Variants in GPM6A observed in about 807,000 individuals in gnomAD.
GPM6A encodes neuronal membrane glycoprotein M6-a.
In GPM6A, 7 loss-of-function variants were observed where a neutral mutation model predicts 32.1. The observed-to-expected ratio is 0.22, with a 90% CI of 0.12 to 0.41. The LOEUF (loss-of-function observed/expected upper bound fraction) is 0.41. Among genes scored for constraint, GPM6A ranks in the 10% least tolerant of loss-of-function variants. The pLI is 1.00. For missense variants in GPM6A, 235 were observed against 347.2 expected, an observed-to-expected ratio of 0.68 and a Z score of 2.57; for synonymous variants, 130 against 123.4, an observed-to-expected ratio of 1.05 and a Z score of -0.35.
intron 1 of GPM6A, among the ~76,000 whole-genome samples, chr4:175,856,364 G>A (rs1452981884): frequency 6.6e-6 from 1 of 152,190 alleles, no homozygotes; most frequent in African/African-American, 2.4e-5. Context: ...TTGTGGGAGG[G>A]GGAGCACATA....
intron 2 of GPM6A, among the ~76,000 whole-genome samples, chr4:175,693,184 G>A (rs560254252): frequency 4.4e-4 from 66 of 151,526 alleles, no homozygotes; most frequent in African/African-American, 1.4e-3. Flanking sequence ...TGAGTGGCAC[G>A]TAGTATCACC....
chr4:175,973,357 G>A (rs1239938498), intron 1 of GPM6A, among the ~76,000 whole-genome samples: 2 of 152,130 alleles, frequency 1.3e-5, no homozygotes, highest in African/African-American at 2.4e-5. Flanking sequence ...TTTAGAACAC[G>A]GTTTTGCTGT....
intron 6 of GPM6A, 49 bp downstream of exon 6, chr4:175,640,080 G>T: frequency 7.4e-7 from 1 of 1,354,684 alleles, no homozygotes; most frequent in Non-Finnish European, 1.1e-6. Context: ...CAAGCAAATA[G>T]CTTTGGAATT....
chr4:175,689,471 T>C (rs1744175976), intron 2 of GPM6A, among the ~76,000 whole-genome samples: 1 of 152,004 alleles, frequency 6.6e-6, no homozygotes, highest in Admixed American at 6.6e-5. Context: ...TTTGAAGCTA[T>C]TGTAAATGGA....
At chr4:175,896,432 T>C (rs543253769) in intron 1 of GPM6A, among the ~76,000 whole-genome samples, 2 of 152,188 alleles carry the variant, frequency 1.3e-5, no homozygotes, top group South Asian at 4.2e-4. Context: ...CTGATGTGAG[T>C]TCAGCTATTC....
At chr4:175,767,624 C>T (rs934606813) in intron 1 of GPM6A, among the ~76,000 whole-genome samples, 1 of 152,202 alleles carries the variant, frequency 6.6e-6, no homozygotes, top group Non-Finnish European at 1.5e-5. Context: ...CAATTGTGCA[C>T]CATCTAATAA....
At chr4:175,680,511 A>G (rs1229411604) in intron 2 of GPM6A, among the ~76,000 whole-genome samples, 1 of 152,174 alleles carries the variant, frequency 6.6e-6, no homozygotes. Context: ...TCTAAGTTAC[A>G]TGGATTAGTG....
chr4:175,879,637 A>G (rs981335349), intron 1 of GPM6A, among the ~76,000 whole-genome samples: 4 of 152,166 alleles, frequency 2.6e-5, no homozygotes, highest in South Asian at 2.1e-4. Flanking sequence ...CATGAGGATT[A>G]TTACAATTCA....
chr4:175,945,476 T>C (rs1487694182), intron 1 of GPM6A, among the ~76,000 whole-genome samples: 1 of 151,958 alleles, frequency 6.6e-6, no homozygotes, highest in Non-Finnish European at 1.5e-5. Flanking sequence ...ATTACTCAGT[T>C]GTAAATAATA....
intron 1 of GPM6A, among the ~76,000 whole-genome samples, chr4:175,990,879 T>C (rs1253159931): frequency 1.3e-5 from 2 of 152,222 alleles, no homozygotes; most frequent in Non-Finnish European, 2.9e-5. Context: ...TGAATGAAAT[T>C]ATTTAATAAC....
intron 1 of GPM6A, among the ~76,000 whole-genome samples, chr4:175,969,498 C>T (rs1411817699): frequency 6.6e-6 from 1 of 152,070 alleles, no homozygotes; most frequent in Non-Finnish European, 1.5e-5. Context: ...CATTTGAGGT[C>T]AGGAGTTCGA....
At chr4:175,649,297 A>G (rs1308307672) in intron 4 of GPM6A, among the ~76,000 whole-genome samples, 1 of 152,206 alleles carries the variant, frequency 6.6e-6, no homozygotes, top group Admixed American at 6.5e-5. Flanking sequence ...ATAAGCCTTA[A>G]TACTTTCAGT....
At chr4:175,640,022 A>T in intron 6 of GPM6A, 107 bp downstream of exon 6, 1 of 890,940 alleles carries the variant, frequency 1.1e-6, no homozygotes, top group Non-Finnish European at 1.9e-6. Flanking sequence ...GATGACATAA[A>T]TGTGTTTTAC....
chr4:175,955,681 A>C (rs1419576257), intron 1 of GPM6A, among the ~76,000 whole-genome samples: 1 of 152,186 alleles, frequency 6.6e-6, no homozygotes, highest in African/African-American at 2.4e-5. Flanking sequence ...AGTAATAAGG[A>C]ATAACTTCAT....
chr4:175,691,784 T>C (rs1231007067), intron 2 of GPM6A, among the ~76,000 whole-genome samples: 2 of 152,164 alleles, frequency 1.3e-5, no homozygotes, highest in African/African-American at 2.4e-5. Context: ...ATTAATGATA[T>C]TGAGGTGAGG....
chr4:175,846,549 G>A (rs1020148332), intron 1 of GPM6A, among the ~76,000 whole-genome samples: 5 of 152,124 alleles, frequency 3.3e-5, no homozygotes, highest in African/African-American at 1.2e-4. Flanking sequence ...TACCAAGTGA[G>A]TGATTATAAT....
At chr4:175,689,983 G>C (rs1744207426) in intron 2 of GPM6A, among the ~76,000 whole-genome samples, 1 of 152,180 alleles carries the variant, frequency 6.6e-6, no homozygotes, top group South Asian at 2.1e-4. Flanking sequence ...AAGAGGGGCT[G>C]ATGTGGGATA....
intron 2 of GPM6A, among the ~76,000 whole-genome samples, chr4:175,689,161 T>A (rs1255824918): frequency 6.6e-6 from 1 of 152,250 alleles, no homozygotes; most frequent in East Asian, 1.9e-4. Context: ...TCACTTTTAT[T>A]CTTCTTTCTC....
At chr4:175,918,014 C>T (rs1299197427) in intron 1 of GPM6A, among the ~76,000 whole-genome samples, 2 of 151,832 alleles carry the variant, frequency 1.3e-5, no homozygotes, top group African/African-American at 4.8e-5. Flanking sequence ...AGTGATAAAT[C>T]CCATCAAGAT....
Sources: allele counts gnomAD v4.1 joint callset (sites outside exome capture counted in the v4.1 genomes callset), GRCh38; gene constraint gnomAD v4.1.1; transcripts MANE v1.5; gene names NCBI Gene and HGNC (gene_info 2026-07-23, HGNC 2026-07-21).